RFX2: variants seen among roughly 807,000 people sequenced by gnomAD.
The protein encoded by RFX2 is regulatory factor X2, also known as DNA-binding protein RFX2.
In RFX2, 20 loss-of-function variants were observed where a neutral mutation model predicts 87.8. The observed-to-expected ratio is 0.23, with a 90% CI of 0.16 to 0.33. RFX2 has a LOEUF of 0.33. Among genes scored for constraint, RFX2 ranks in the 10% least tolerant of loss-of-function variants. The pLI, the probability that RFX2 is intolerant of heterozygous loss-of-function variation, is 1.00. For missense variants in RFX2, 767 were observed against 1,012.3 expected (o/e 0.76, Z 3.29); for synonymous variants, 397 against 431.3 (o/e 0.92, Z 0.98).
chr19:6,038,248 AC>A (rs2087049978), intron 5 of RFX2, among the ~76,000 whole-genome samples: 1 of 137,090 alleles, frequency 7.3e-6, no homozygotes, highest in Admixed American at 8.4e-5. Context: ...AATCGCTTGA[AC>A]CCGGGAGGTG....
intron 1 of RFX2, chr19:6,049,312 A>G (rs969029855): frequency 5.3e-5 from 8 of 152,360 alleles, no homozygotes; most frequent in African/African-American, 1.9e-4. Flanking sequence ...CCAGTGATAA[A>G]GTCAGAATGC....
intron 7 of RFX2, among the ~76,000 whole-genome samples, chr19:6,015,487 T>TTTTG (rs753101489): frequency 6.7e-6 from 1 of 149,152 alleles, no homozygotes; most frequent in Non-Finnish European, 1.5e-5. Context: ...AGAGGCTACA[T>TTTTG]TTTGTTTGTT....
In RFX2 at chr19:6,017,831, TC is replaced by T. The variant is rs2086750506; in HGVS notation, c.598-1561del. 6.6e-6 allele frequency among the ~76,000 whole-genome samples: 1 copy of T among 151,600 alleles called. No homozygotes were observed. Among genetic ancestry groups the T allele is most frequent in the Non-Finnish European group, 1.5e-5 (1 of 67,944 alleles). The stretch of plus-strand genomic sequence containing the variant: ...CCCCACAAGACACAAAGTAGGCGTG[TC>T]CCCTGGGAAATATCTGTCCACTCAC... On this transcript the variant is annotated intron_variant, in intron 6 of 17. Coordinates refer to ENST00000303657, the MANE Select transcript of RFX2 (RefSeq NM_000635.4). This position sits in a 1 kb window ranked among gnomAD's most constrained non-coding sequence, Gnocchi z 4.1.
chr19:6,008,124 C>T lies in RFX2; in HGVS notation c.1116G>A (p.Val372=). 1 of 1,551,912 alleles carries T rather than the reference C, an allele frequency of 6.4e-7. No homozygotes were observed. Among genetic ancestry groups the T allele is most frequent in the South Asian group, 1.2e-5 (1 of 84,102 alleles). Residue 372 remains valine, a synonymous_variant, in exon 10 of 18, where the codon GTG becomes GTA. Coordinates refer to ENST00000303657, the MANE Select transcript of RFX2 (RefSeq NM_000635.4). ...TLHDVKALQL[V]YRRHCEATVD... ...CGGTCACCTCGCAGTGCCGTCTGTA[C>T]ACCAGCTGCAGGGCCTTGACGTCGT...
chr19:6,072,982 T>TG, intron 1 of RFX2: 1 of 556,872 alleles, frequency 1.8e-6, no homozygotes, highest in East Asian at 3.6e-5. Flanking sequence ...GGACCAGATA[T>TG]TTTTTTTTCT....
chr19:6,003,280 G>A (rs2086519825), intron 13 of RFX2, among the ~76,000 whole-genome samples: 2 of 152,114 alleles, frequency 1.3e-5, no homozygotes, highest in African/African-American at 2.4e-5. Flanking sequence ...GCCCAGGCTG[G>A]TCTCAAACTC....
At position 6,065,265 on chromosome 19, in the gene RFX2, C is replaced by T. The variant is rs762404600; in HGVS notation, c.-8-17761G>A. Among the ~76,000 whole-genome samples the T allele has an allele frequency of 4.5e-4, 69 of 152,162 alleles. No individual in the cohort carries two copies. In the Middle Eastern group the frequency reaches 0.01, roughly 23 times the overall value. On this transcript the variant is annotated intron_variant, in intron 1 of 17. Transcript: ENST00000303657. ...GGGGGAGTCTTTGTGTAAGTCAGAC[C>T]TTATTCATTTTCATTCCAACAACAC...
rs778596080 is a variant in RFX2, at chr19:6,040,152, A to G, written c.350T>C (p.Val117Ala). The G allele has an allele frequency of 1.2e-6, 2 of 1,605,726 alleles. No individual in the cohort carries two copies. The highest frequency in any genetic ancestry group is 1.7e-6 in the Non-Finnish European group (2 of 1,174,306). ...TGGCGGGGACGAGGCTGCCACGGTC[A>G]CCTGGGCACCGCCTGGGGCCTCGAA... ...SYFEAPGGAQ[V>A]TVAASSPPAV... The change falls in exon 5 of 18, where the codon GTG (valine) becomes GCG (alanine). Residue 117 changes from valine to alanine, a missense_variant. Coordinates refer to ENST00000303657, the MANE Select transcript of RFX2 (RefSeq NM_000635.4). The surrounding 1 kb of genome is among the most constrained non-coding windows in gnomAD (Gnocchi z 6.1).
Position 6,002,632 on chromosome 19 carries a change from G to T in RFX2, c.1650+89C>A. ...GTGGCCAGGCTCGGGGCAGGGGCCAGGTTGTGCCACGGGCTCCACTTGGTG... is the reference window on the plus strand; with the variant it reads ...GTGGCCAGGCTCGGGGCAGGGGCCATGTTGTGCCACGGGCTCCACTTGGTG... On this transcript the variant is annotated intron_variant, in intron 14 of 17. Transcript: ENST00000303657. This position sits in a 1 kb window ranked among gnomAD's most constrained non-coding sequence, Gnocchi z 6.7. 6.6e-7 allele frequency: 1 copy of T among 1,526,354 alleles called. No individual in the cohort carries two copies. The allele number at this position is 1,526,354 out of a possible 1,614,324, so 94.6% of individuals were successfully genotyped here.
At position 6,020,964 on chromosome 19, in the gene RFX2, G is replaced by A. The variant is rs749406350; in HGVS notation, c.598-4693C>T. ...GAAATGCCAGCGCCTCCCTCTCCCC[G>A]GCCCCCCAACAAAGGCCTGTGGTTC... On this transcript the variant is annotated intron_variant, in intron 6 of 17. Coordinates refer to ENST00000303657, the MANE Select transcript of RFX2 (RefSeq NM_000635.4). The surrounding 1 kb of genome is among the most constrained non-coding windows in gnomAD (Gnocchi z 5.3). 1.3e-5 allele frequency among the ~76,000 whole-genome samples: 2 copies of A among 151,980 alleles called. No individual in the cohort carries two copies. Among genetic ancestry groups the A allele is most frequent in the Non-Finnish European group, 2.9e-5 (2 of 67,982 alleles).
In RFX2 at chr19:6,039,200, G is replaced by A. The variant is rs894957312; in HGVS notation, c.522+780C>T. On this transcript the variant is annotated intron_variant, in intron 5 of 17. Coordinates refer to ENST00000303657, the MANE Select transcript of RFX2 (RefSeq NM_000635.4). This position sits in a 1 kb window ranked among gnomAD's most constrained non-coding sequence, Gnocchi z 5.2. ...AAAGGCACCAGAATGAGTAAAAGAAGCCTGTCTGAAAAGGTCACAATCTGT... is the reference window on the plus strand; with the variant it reads ...AAAGGCACCAGAATGAGTAAAAGAAACCTGTCTGAAAAGGTCACAATCTGT... 6.6e-6 allele frequency among the ~76,000 whole-genome samples: 1 copy of A among 152,228 alleles called. No individual in the cohort carries two copies. Among genetic ancestry groups the A allele is most frequent in the Non-Finnish European group, 1.5e-5 (1 of 68,046 alleles).
intron 9 of RFX2, among the ~76,000 whole-genome samples, chr19:6,009,425 C>T (rs1441152413): frequency 6.6e-6 from 1 of 152,052 alleles, no homozygotes; most frequent in Non-Finnish European, 1.5e-5. Context: ...TGGGGAAGAA[C>T]GCTGTCCCTT....
intron 6 of RFX2, among the ~76,000 whole-genome samples, chr19:6,025,180 A>T (rs574804207): frequency 9.2e-4 from 140 of 152,262 alleles, no homozygotes; most frequent in Non-Finnish European, 1.7e-3. Context: ...AGTGAAAGCG[A>T]TGAGTCTGAG....
At chr19:6,031,211 A>T (rs374328423) in intron 5 of RFX2, among the ~76,000 whole-genome samples, 1 of 152,198 alleles carries the variant, frequency 6.6e-6, no homozygotes, top group African/African-American at 2.4e-5. Flanking sequence ...TTTTAGGAAA[A>T]CCATGGCTAG....
chr19:6,072,969 C>G (rs1302660237), intron 1 of RFX2: 1 of 657,590 alleles, frequency 1.5e-6, no homozygotes, highest in East Asian at 3.0e-5. Flanking sequence ...GCAGAAGGTT[C>G]AAGGACCAGA....
intron 5 of RFX2, among the ~76,000 whole-genome samples, chr19:6,030,876 G>A (rs1053984632): frequency 6.6e-6 from 1 of 152,118 alleles, no homozygotes; most frequent in African/African-American, 2.4e-5. Flanking sequence ...CTGGTCACTT[G>A]AAAAACATGA....
At position 6,061,912 on chromosome 19, in the gene RFX2, C is replaced by T. The variant is rs1447381709; in HGVS notation, c.-8-14408G>A. Among the ~76,000 whole-genome samples the T allele has an allele frequency of 6.6e-6, 1 of 152,064 alleles. No individual in the cohort carries two copies. The highest frequency in any genetic ancestry group is 1.5e-5 in the Non-Finnish European group (1 of 68,014). On this transcript the variant is annotated intron_variant, in intron 1 of 17. Transcript: ENST00000303657. The surrounding 1 kb of genome is among the most constrained non-coding windows in gnomAD (Gnocchi z 5.2). ...CAATGAAATATGTCCTAGGCAGGGG[C>T]GGGAGGATCCATTGAACCCAGGAGT...
At position 6,026,055 on chromosome 19, in the gene RFX2, G is replaced by A; in HGVS notation, c.597+108C>T. The A allele has an allele frequency of 1.1e-6, 1 of 912,188 alleles. No individual in the cohort carries two copies. Among genetic ancestry groups the A allele is most frequent in the Non-Finnish European group, 1.8e-6 (1 of 564,490 alleles). The allele number at this position is 912,188 out of a possible 1,614,324, so 56.5% of individuals were successfully genotyped here. A position where few individuals can be genotyped will look rare whatever the true frequency, so the allele number is the denominator to read the frequency against. ...CCGCCTTGGCCTCCCAAAGTGCTGG[G>A]ATTACAGGTGTGAGCCACCGCACCT... On this transcript the variant is annotated intron_variant, in intron 6 of 17. Coordinates refer to ENST00000303657, the MANE Select transcript of RFX2 (RefSeq NM_000635.4). This position sits in a 1 kb window ranked among gnomAD's most constrained non-coding sequence, Gnocchi z 4.5.
In RFX2 at chr19:6,004,784, C is replaced by A. The variant is rs2086554848; in HGVS notation, c.1403-486G>T. Among the ~76,000 whole-genome samples, 1 of 149,786 alleles carries A rather than the reference C, an allele frequency of 6.7e-6. No individual in the cohort carries two copies. The stretch of plus-strand genomic sequence containing the variant: ...TTTTAAAGTGGGTTAGAATAAGAAG[C>A]AAATGATCAGACTGTTAAAAAAAAA... On this transcript the variant is annotated intron_variant, in intron 12 of 17. Transcript: ENST00000303657. The surrounding 1 kb of genome is among the most constrained non-coding windows in gnomAD (Gnocchi z 4.8).
Sources: gnomAD v4.1 joint callset for allele counts (sites outside exome capture counted in the v4.1 genomes callset) on GRCh38, gnomAD v4.1.1 for gene constraint, Gnocchi (gnomAD v3.1) non-coding constraint, MANE v1.5 for transcripts, NCBI Gene and HGNC (gene_info 2026-07-23, HGNC 2026-07-21) for gene names.